The following USH2A variants were observed in gnomAD, a reference collection of about 807,000 sequenced individuals.
The protein encoded by USH2A is Usher syndrome 2A (autosomal recessive, mild).
USH2A carries 443 observed loss-of-function variants against 538.9 expected under a neutral mutation model. The observed-to-expected ratio is 0.82, with a 90% CI of 0.76 to 0.89. USH2A has a LOEUF of 0.89. Ranked by LOEUF, USH2A falls within the 40% of genes least tolerant of loss-of-function variation. The probability of loss-of-function intolerance (pLI) is 0.00; values close to 1 mark genes in which losing one functional copy is unlikely to be tolerated. For synonymous variants in USH2A, 2,413 were observed against 2,273.5 expected (o/e 1.06, Z -1.75); for missense variants, 6,633 against 6,324.8 (o/e 1.05, Z -1.65).
At chr1:215,732,544 C>CTTTTTTTTTTTTTTTTT (rs141549439) in intron 60 of USH2A, among the ~76,000 whole-genome samples, 4 of 73,558 alleles carry the variant, frequency 5.4e-5, no homozygotes, top group African/African-American at 2.5e-4. Context: ...TTTTTTCTTT[C>CTTTTTTTTTTTTTTTTT]TTTTTTTTTT....
chr1:216,354,208 C>A (rs1230374415), intron 4 of USH2A, among the ~76,000 whole-genome samples: 1 of 152,130 alleles, frequency 6.6e-6, no homozygotes, highest in East Asian at 1.9e-4. Context: ...TCCTACTGCC[C>A]ACCCCCATTC....
intron 47 of USH2A, among the ~76,000 whole-genome samples, chr1:215,831,520 A>G (rs1391533243): frequency 2.6e-5 from 4 of 152,198 alleles, no homozygotes; most frequent in Non-Finnish European, 5.9e-5. Context: ...TTCTTAGATC[A>G]TAATAGAATT....
intron 46 of USH2A, among the ~76,000 whole-genome samples, chr1:215,843,535 GC>G (rs34142903): frequency 0.27 from 40,733 of 151,828 alleles, 6,696 homozygotes; most frequent in Admixed American, 0.42. Flanking sequence ...AGTGATCAGT[GC>G]ACTTTCTGAA....
intron 40 of USH2A, among the ~76,000 whole-genome samples, chr1:215,892,677 GATA>G (rs946453593): frequency 6.6e-6 from 1 of 152,124 alleles, no homozygotes; most frequent in Non-Finnish European, 1.5e-5. Context: ...TTAATCTTGT[GATA>G]ATAAAGAGGG....
chr1:215,965,496 A>T lies in USH2A; in HGVS notation c.6958-17T>A, dbSNP rs2102454050. On this transcript the variant is annotated splice_polypyrimidine_tract_variant and intron_variant, in intron 36 of 71. Transcript: ENST00000307340. Reference sequence around the variant, plus strand: ...ATTTTCCACCTGTGAGTATAAAAAGATTTATTTTTGTTTGCAAATAAAATA... The same window carrying T: ...ATTTTCCACCTGTGAGTATAAAAAGTTTTATTTTTGTTTGCAAATAAAATA... The T allele has an allele frequency of 3.1e-6, 5 of 1,613,004 alleles. No individual in the cohort carries two copies. The highest frequency in any genetic ancestry group is 4.2e-6 in the Non-Finnish European group (5 of 1,179,440).
At chr1:216,255,199 T>C (rs995949911) in intron 11 of USH2A, among the ~76,000 whole-genome samples, 31 of 152,316 alleles carry the variant, frequency 2.0e-4, no homozygotes, top group African/African-American at 7.0e-4. Context: ...TAACATGCTT[T>C]CAGCCACAAG....
intron 40 of USH2A, among the ~76,000 whole-genome samples, chr1:215,899,100 GTCTTA>G (rs1294853223): frequency 2.6e-5 from 4 of 152,082 alleles, no homozygotes; most frequent in Non-Finnish European, 5.9e-5. Flanking sequence ...CTAATTTGAT[GTCTTA>G]TCTTCACTAA....
In USH2A at chr1:215,771,035, G is replaced by A. The variant is rs146015460; in HGVS notation, c.10940-4247C>T. Among the ~76,000 whole-genome samples, 986 of 151,508 alleles carry A rather than the reference G, an allele frequency of 6.5e-3. 7 individuals are homozygous for A. The highest frequency in any genetic ancestry group is 0.01 in the Non-Finnish European group (698 of 67,890). On this transcript the variant is annotated intron_variant, in intron 55 of 71. Coordinates refer to ENST00000307340, the MANE Select transcript of USH2A (RefSeq NM_206933.4). ...CCAGCTGTTTGGGAGGCTGATGCTG[G>A]AGAATTGCTTGAACCTGGGAGGCAG...
rs180937352 is a variant in USH2A, at chr1:216,271,631, A to G, written c.1971+17649T>C. On this transcript the variant is annotated intron_variant, in intron 11 of 71. Coordinates refer to ENST00000307340, the MANE Select transcript of USH2A (RefSeq NM_206933.4). ...GTAAAAAATTTAACATTTATTGTTAACATAATATTAGCTATAGGGTTTTTG... is the reference window on the plus strand; with the variant it reads ...GTAAAAAATTTAACATTTATTGTTAGCATAATATTAGCTATAGGGTTTTTG... Among the ~76,000 whole-genome samples, 316 of 152,218 alleles carry G rather than the reference A, an allele frequency of 2.1e-3. 3 individuals carry two copies. Among genetic ancestry groups the G allele is most frequent in the African/African-American group, 7.2e-3 (301 of 41,564 alleles).
At chr1:215,993,464 G>A (rs1252561474) in intron 34 of USH2A, among the ~76,000 whole-genome samples, 2 of 150,884 alleles carry the variant, frequency 1.3e-5, no homozygotes, top group South Asian at 2.1e-4. Context: ...TGGATAAACA[G>A]CCCTGCTGAA....
At chr1:216,380,593 T>C (rs1263874700) in intron 3 of USH2A, among the ~76,000 whole-genome samples, 1 of 152,122 alleles carries the variant, frequency 6.6e-6, no homozygotes, top group African/African-American at 2.4e-5. Context: ...GAAAAAAATA[T>C]CACTGACTTC....
intron 30 of USH2A, among the ~76,000 whole-genome samples, chr1:216,061,907 G>A (rs141353503): frequency 0.019 from 2,929 of 152,240 alleles, 47 homozygotes; most frequent in Non-Finnish European, 0.028. Context: ...GTGGCTGCGC[G>A]GCTAATGCAA....
chr1:216,407,043 C>A (rs544824986), intron 3 of USH2A, among the ~76,000 whole-genome samples: 1 of 152,172 alleles, frequency 6.6e-6, no homozygotes, highest in Non-Finnish European at 1.5e-5. Context: ...TGCCCCAAAT[C>A]CCTAGCTATG....
At chr1:216,051,848 C>G (rs1322428779) in intron 30 of USH2A, among the ~76,000 whole-genome samples, 1 of 152,160 alleles carries the variant, frequency 6.6e-6, no homozygotes, top group African/African-American at 2.4e-5. Context: ...AATTTTACAG[C>G]CTGGCTTTAT....
intron 37 of USH2A, among the ~76,000 whole-genome samples, chr1:215,950,815 T>C (rs900178284): frequency 6.6e-6 from 1 of 152,134 alleles, no homozygotes; most frequent in African/African-American, 2.4e-5. Context: ...GTCTAACTGG[T>C]ACCATTTTAA....
At chr1:215,797,936 C>A (rs1460581702) in intron 50 of USH2A, among the ~76,000 whole-genome samples, 1 of 151,958 alleles carries the variant, frequency 6.6e-6, no homozygotes, top group East Asian at 1.9e-4. Flanking sequence ...AATTGAAAAC[C>A]TGGAAAGGAT....
intron 21 of USH2A, among the ~76,000 whole-genome samples, chr1:216,164,310 T>C (rs905242680): frequency 1.3e-5 from 2 of 152,128 alleles, no homozygotes; most frequent in African/African-American, 4.8e-5. Flanking sequence ...TTTCTTCTTA[T>C]TTTTTAAAAG....
At position 215,650,740 on chromosome 1, in the gene USH2A, G is replaced by C. The variant is rs777435863; in HGVS notation, c.14195C>G (p.Pro4732Arg). 1 of 1,613,710 alleles carries C rather than the reference G, an allele frequency of 6.2e-7. No homozygotes were observed. The highest frequency in any genetic ancestry group is 8.5e-7 in the Non-Finnish European group (1 of 1,180,004). ...PSSWTWCRTG[P>R]APPEGLRAPT... ...GGCTCTGAGACCTTCTGGTGGGGCT[G>C]GCCCGGTTCTGCACCATGTCCAGCT... The change falls in exon 65 of 72, where the codon CCA (proline) becomes CGA (arginine). Residue 4732 changes from proline (P) to arginine (R), a missense_variant. Pro to Arg is a moderately radical substitution (Grantham distance 103). Coordinates refer to ENST00000307340, the MANE Select transcript of USH2A (RefSeq NM_206933.4).
At chr1:215,735,255 T>C (rs1050949870) in intron 60 of USH2A, among the ~76,000 whole-genome samples, 8 of 152,234 alleles carry the variant, frequency 5.3e-5, no homozygotes, top group African/African-American at 1.9e-4. Context: ...AACTCCCCTT[T>C]GTTCCCTCAG....
Sources: gnomAD v4.1 joint callset for allele counts (sites outside exome capture counted in the v4.1 genomes callset) on GRCh38, gnomAD v4.1.1 for gene constraint, MANE v1.5 for transcripts, NCBI Gene and HGNC (gene_info 2026-07-23, HGNC 2026-07-21) for gene names.